Variants in SLC20A2 observed in about 807,000 individuals in gnomAD.
The protein encoded by SLC20A2 is sodium-dependent phosphate transporter 2.
In SLC20A2, 30 loss-of-function variants were observed where a neutral mutation model predicts 61.0. The ratio of observed to expected loss-of-function variants is 0.49; its 90% CI spans 0.37 to 0.67. The LOEUF (loss-of-function observed/expected upper bound fraction) is 0.67. SLC20A2 is among the 30% of genes least tolerant of loss of function. The probability of loss-of-function intolerance (pLI) is 0.00; values close to 1 mark genes in which losing one functional copy is unlikely to be tolerated. For missense variants in SLC20A2, 626 were observed against 866.4 expected (o/e 0.72, Z 3.48); for synonymous variants, 351 against 353.3 (o/e 0.99, Z 0.07).
At chr8:42,525,571 G>C (rs1381960919) in intron 1 of SLC20A2, among the ~76,000 whole-genome samples, 1 of 102,526 alleles carries the variant, frequency 9.8e-6, no homozygotes, top group Admixed American at 1.5e-4. Flanking sequence ...AACAGAGCAA[G>C]ACTCTGTCTC....
rs534301540 is a variant in SLC20A2, at chr8:42,441,035, G to A, written c.731-1382C>T. ...AGGATGGTCTCGATTTCTTGACCTC[G>A]TGAACTGCTCGCCTCAGCCTCCCAA... On this transcript the variant is annotated intron_variant, in intron 6 of 10. Transcript: ENST00000520262. Among the ~76,000 whole-genome samples, 105 of 152,124 alleles carry A rather than the reference G, an allele frequency of 6.9e-4. 4 individuals are homozygous for A. In the South Asian group the frequency reaches 0.02, roughly 28 times the overall value.
Position 42,416,778 on chromosome 8 carries a change from C to T in SLC20A2, c.*1025G>A, listed in dbSNP as rs1802694299. ...AATGTCAAAGCACAGAAAAAGCCTC[C>T]TTTGTGCTGACATTGGAGACAAGGA... is the stretch of plus-strand genomic sequence containing the variant. On this transcript the variant is annotated 3_prime_UTR_variant, in exon 11 of 11. Transcript: ENST00000520262. 6.5e-6 allele frequency: 1 copy of T among 152,808 alleles called. No individual in the cohort carries two copies. Among genetic ancestry groups the T allele is most frequent in the South Asian group, 2.1e-4 (1 of 4,830 alleles). The allele number at this position is 152,808 out of a possible 1,614,324, so 9.5% of individuals were successfully genotyped here. A position where few individuals can be genotyped will look rare whatever the true frequency, so the allele number is the denominator to read the frequency against.
At chr8:42,421,608 C>T (rs886354773) in intron 10 of SLC20A2, among the ~76,000 whole-genome samples, 2 of 152,118 alleles carry the variant, frequency 1.3e-5, no homozygotes, top group Non-Finnish European at 2.9e-5. Flanking sequence ...AGTTCGAGAC[C>T]AGCCTGACCA....
chr8:42,418,880 C>A (rs1311253789), intron 10 of SLC20A2, among the ~76,000 whole-genome samples: 1 of 151,698 alleles, frequency 6.6e-6, no homozygotes, highest in Non-Finnish European at 1.5e-5. Context: ...CGCCTGTAGT[C>A]CCAGCTACTT....
Position 42,437,596 on chromosome 8 carries a change from G to A in SLC20A2, c.935-19C>T, listed in dbSNP as rs200863955. 1 of 1,534,116 alleles carries A rather than the reference G, an allele frequency of 6.5e-7. No homozygotes were observed. Among genetic ancestry groups the A allele is most frequent in the Non-Finnish European group, 8.8e-7 (1 of 1,141,116 alleles). ...GCTCTTCCTGAAAAGGGTTAGAGAA[G>A]GTCTCATTTTCCAGTCTTTTTTTTT... On this transcript the variant is annotated intron_variant, in intron 7 of 10. Coordinates refer to ENST00000520262, the MANE Select transcript of SLC20A2 (RefSeq NM_001257180.2). The surrounding 1 kb of genome is among the most constrained non-coding windows in gnomAD (Gnocchi z 6.4).
intron 1 of SLC20A2, among the ~76,000 whole-genome samples, chr8:42,519,153 T>A (rs1193598813): frequency 6.6e-6 from 1 of 152,068 alleles, no homozygotes; most frequent in African/African-American, 2.4e-5. Context: ...GCAGCATTTT[T>A]AAAAAATACT....
chr8:42,513,523 G>A (rs1811143779), intron 1 of SLC20A2, among the ~76,000 whole-genome samples: 1 of 152,136 alleles, frequency 6.6e-6, no homozygotes, highest in Admixed American at 6.5e-5. Flanking sequence ...AGCAATACAA[G>A]AGGATAAAAC....
Position 42,522,007 on chromosome 8 carries a change from T to C in SLC20A2, c.-265+19814A>G, listed in dbSNP as rs966528495. The stretch of plus-strand genomic sequence containing the variant: ...TCCGTACTACTTTTTTAACTTCCTG[T>C]GAGTCTGTAATCATTTAAAAACAAA... On this transcript the variant is annotated intron_variant, in intron 1 of 10. Coordinates refer to the SLC20A2 transcript ENST00000342228. 3.3e-4 allele frequency among the ~76,000 whole-genome samples: 40 copies of C among 121,030 alleles called. 5 individuals carry two copies. Among genetic ancestry groups the C allele is most frequent in the African/African-American group, 9.2e-4 (36 of 39,208 alleles). 79.4% of individuals were successfully genotyped at this position (121,030 alleles called of 152,430 possible). A position where few individuals can be genotyped will look rare whatever the true frequency, so the allele number is the denominator to read the frequency against.
In SLC20A2 at chr8:42,521,446, T is replaced by TA. The variant is rs1811618165; in HGVS notation, c.-265+20374dup. On this transcript the variant is annotated intron_variant, in intron 1 of 10. Coordinates refer to the SLC20A2 transcript ENST00000342228. The stretch of plus-strand genomic sequence containing the variant: ...GCTACCAGCAGTTAGGGGCTTGCTA[T>TA]AAAGGGGTAGCAAAGGGAAAGCCTT... 1.7e-5 allele frequency among the ~76,000 whole-genome samples: 2 copies of TA among 120,952 alleles called. 1 individual carries two copies. Among genetic ancestry groups the TA allele is most frequent in the South Asian group, 5.9e-4 (2 of 3,378 alleles). The allele number at this position is 120,952 out of a possible 152,430, so 79.3% of individuals were successfully genotyped here.
chr8:42,475,505 G>A (rs1327005817), intron 1 of SLC20A2, among the ~76,000 whole-genome samples: 1 of 151,948 alleles, frequency 6.6e-6, no homozygotes, highest in African/African-American at 2.4e-5. Context: ...TGCCTCCTGG[G>A]TTCAAGAGAT....
chr8:42,462,943 T>G, intron 4 of SLC20A2, 62 bp downstream of exon 4: 1 of 966,184 alleles, frequency 1.0e-6, no homozygotes, highest in Non-Finnish European at 1.6e-6. Context: ...CATTATTAAT[T>G]TCTACTGAGT....
At chr8:42,475,585 T>G (rs571442840) in intron 1 of SLC20A2, among the ~76,000 whole-genome samples, 1 of 151,756 alleles carries the variant, frequency 6.6e-6, no homozygotes, top group African/African-American at 2.4e-5. Context: ...AATTTTTTTG[T>G]ATTTTTGTAG....
At chr8:42,446,189 T>A (rs1805201403) in intron 5 of SLC20A2, among the ~76,000 whole-genome samples, 1 of 152,216 alleles carries the variant, frequency 6.6e-6, no homozygotes, top group African/African-American at 2.4e-5. Flanking sequence ...ACTTACGGAA[T>A]TACAGTGCAG....
chr8:42,496,943 C>G (rs1038871390), intron 1 of SLC20A2, among the ~76,000 whole-genome samples: 1 of 152,210 alleles, frequency 6.6e-6, no homozygotes, highest in African/African-American at 2.4e-5. Flanking sequence ...GCCCAGATCC[C>G]CTGCAGGTGG....
chr8:42,429,877 G>T (rs940729648), intron 9 of SLC20A2, among the ~76,000 whole-genome samples, 187 bp downstream of exon 9: 1 of 152,124 alleles, frequency 6.6e-6, no homozygotes, highest in African/African-American at 2.4e-5. Flanking sequence ...GCTGGGGGCC[G>T]GGCACAGTAA....
chr8:42,504,885 AAG>A, upstream of SLC20A2, among the ~76,000 whole-genome samples: 21 of 143,322 alleles, frequency 1.5e-4, no homozygotes, highest in Non-Finnish European at 2.7e-4. Context: ...AAAAAAAAAA[AAG>A]GCATGTTCCA....
chr8:42,540,912 T>TA (rs1455566571), intron 1 of SLC20A2: 1 of 152,214 alleles, frequency 6.6e-6, no homozygotes, highest in East Asian at 1.9e-4. Flanking sequence ...AAAAGGGACT[T>TA]ACACTGACAA....
At chr8:42,445,566 A>G (rs2131058912) in intron 5 of SLC20A2, among the ~76,000 whole-genome samples, 1 of 152,078 alleles carries the variant, frequency 6.6e-6, no homozygotes, top group African/African-American at 2.4e-5. Flanking sequence ...TCTCTACTAA[A>G]AATACAAAAA....
At chr8:42,511,097 G>T (rs1430378653) in intron 1 of SLC20A2, among the ~76,000 whole-genome samples, 1 of 151,984 alleles carries the variant, frequency 6.6e-6, no homozygotes. Flanking sequence ...TGACAGTGGA[G>T]AGCCGCCAGC....
Sources: gnomAD v4.1 joint callset for allele counts (sites outside exome capture counted in the v4.1 genomes callset) on GRCh38, gnomAD v4.1.1 for gene constraint, Gnocchi (gnomAD v3.1) non-coding constraint, MANE v1.5 for transcripts, NCBI Gene and HGNC (gene_info 2026-07-23, HGNC 2026-07-21) for gene names.